The following KLHL13 variants were observed in gnomAD, a reference collection of about 807,000 sequenced individuals.
KLHL13 encodes the protein kelch like family member 13, also known as kelch-like protein 13.
KLHL13 carries 10 observed loss-of-function variants against 37.1 expected under a neutral mutation model. The observed-to-expected ratio is 0.27, with a 90% CI of 0.17 to 0.46. The LOEUF is 0.46. Ranked by LOEUF, KLHL13 falls within the 20% of genes least tolerant of loss-of-function variation. The pLI is 1.00. For synonymous variants in KLHL13, 163 were observed against 181.2 expected (o/e 0.90, Z 0.81); for missense variants, 360 against 509.3 (o/e 0.71, Z 2.82).
chrX:117,995,665 C>T (rs1352183998), intron 1 of KLHL13, among the ~76,000 whole-genome samples: 1 of 111,277 alleles, frequency 9.0e-6, no homozygotes, highest in East Asian at 2.8e-4. Flanking sequence ...CCCATTCTCT[C>T]CTCCCTGCCC....
intron 1 of KLHL13, among the ~76,000 whole-genome samples, chrX:118,017,414 G>C (rs934651336): frequency 1.8e-5 from 2 of 111,486 alleles, no homozygotes; most frequent in Non-Finnish European, 3.8e-5. Flanking sequence ...AAGCGAAAAG[G>C]CAACATGGCT....
exon 1 of KLHL13, chrX:118,116,664 C>G (rs1342078832): frequency 2.7e-5 from 3 of 112,134 alleles, no homozygotes; most frequent in African/African-American, 9.7e-5. Flanking sequence ...CCACTTCACC[C>G]TGTCCTGGCG....
At chrX:117,990,935 T>C (rs1364826710) in intron 1 of KLHL13, among the ~76,000 whole-genome samples, 1 of 111,014 alleles carries the variant, frequency 9.0e-6, no homozygotes, top group African/African-American at 3.3e-5. Flanking sequence ...AATATTTACA[T>C]AATGAACAAT....
chrX:118,100,417 C>T (rs2055274814), intron 1 of KLHL13, among the ~76,000 whole-genome samples: 1 of 111,725 alleles, frequency 9.0e-6, no homozygotes, highest in Non-Finnish European at 1.9e-5. Flanking sequence ...AAGCTTGCTA[C>T]TTACACTCAC....
chrX:117,978,301 T>C (rs1230804671), upstream of KLHL13, among the ~76,000 whole-genome samples: 1 of 112,264 alleles, frequency 8.9e-6, no homozygotes, highest in East Asian at 2.8e-4. Context: ...CACACCATGA[T>C]GGCATAAGCA....
intron 4 of KLHL13, among the ~76,000 whole-genome samples, chrX:117,913,884 C>T (rs749001230): frequency 2.8e-5 from 3 of 108,520 alleles, no homozygotes; most frequent in Admixed American, 2.0e-4. Flanking sequence ...AAGGATAAAA[C>T]TCTTCAAGCA....
At chrX:118,050,477 A>G (rs1447689231) in intron 1 of KLHL13, among the ~76,000 whole-genome samples, 1 of 111,575 alleles carries the variant, frequency 9.0e-6, no homozygotes, top group Non-Finnish European at 1.9e-5. Flanking sequence ...TCAATTTCAT[A>G]ATGTTACAAT....
In KLHL13 at chrX:117,986,178, A is replaced by C. The variant is rs1197140649; in HGVS notation, c.-55-40603T>G. On this transcript the variant is annotated intron_variant, in intron 1 of 6. Coordinates refer to the KLHL13 transcript ENST00000371882. ...TATGGTGTAGAAGCTTTAGTAATAT[A>C]AGCCTAGCATTCTACAGCAGCAGAG... 2.7e-5 allele frequency among the ~76,000 whole-genome samples: 3 copies of C among 111,367 alleles called. No homozygotes were observed. In the East Asian group the frequency reaches 8.4e-4, roughly 31 times the overall value.
At chrX:117,984,713 A>C (rs1005500090) in intron 1 of KLHL13, among the ~76,000 whole-genome samples, 1 of 111,593 alleles carries the variant, frequency 9.0e-6, no homozygotes, top group Non-Finnish European at 1.9e-5. Flanking sequence ...AAAAAGCTAT[A>C]ATAGGTCAAA....
intron 1 of KLHL13, among the ~76,000 whole-genome samples, chrX:117,980,236 T>G (rs1018871655): frequency 9.0e-6 from 1 of 111,601 alleles, no homozygotes. Context: ...GGTTGAAAAT[T>G]TTTTCAGTAA....
chrX:117,920,196 T>C lies in KLHL13; in HGVS notation c.373+42A>G, dbSNP rs887885457. 3.4e-6 allele frequency: 4 copies of C among 1,161,075 alleles called. No homozygotes were observed. In the African/African-American group the frequency reaches 5.5e-5, roughly 16 times the overall value. On this transcript the variant is annotated intron_variant, in intron 3 of 6. Coordinates refer to ENST00000262820, the Ensembl canonical transcript of KLHL13. ...AAAAGATTTAAACACGGATTTTTCA[T>C]ATTGTTTTAATGTGGTTTCAGAGTT...
At chrX:118,110,040 T>C in intron 1 of KLHL13, among the ~76,000 whole-genome samples, 1 of 111,155 alleles carries the variant, frequency 9.0e-6, no homozygotes, top group Middle Eastern at 4.6e-3. Flanking sequence ...ACCAATTGTG[T>C]ATTGGTAAAG....
chrX:117,970,371 T>G (rs1750255401), intron 1 of KLHL13, among the ~76,000 whole-genome samples: 2 of 111,877 alleles, frequency 1.8e-5, no homozygotes, highest in African/African-American at 3.2e-5. Context: ...ATACATTATT[T>G]TACAGGTAAA....
chrX:117,920,325 G>T, exon 3 of KLHL13: 1 of 1,206,525 alleles, frequency 8.3e-7, no homozygotes, highest in Non-Finnish European at 1.1e-6. Flanking sequence ...CCTGGCATCA[G>T]GGTCACATCA....
At chrX:118,004,670 G>T (rs2053961692) in intron 1 of KLHL13, among the ~76,000 whole-genome samples, 2 of 112,173 alleles carry the variant, frequency 1.8e-5, no homozygotes, top group South Asian at 7.4e-4. Context: ...TCTGATAAGG[G>T]ATAAGATATT....
chrX:118,094,434 A>G (rs1424103513), intron 1 of KLHL13, among the ~76,000 whole-genome samples: 4 of 109,426 alleles, frequency 3.7e-5, no homozygotes, highest in East Asian at 5.9e-4. Flanking sequence ...TGAAAGTGAC[A>G]GGGAGAATGG....
At chrX:118,027,648 TACACACACACAC>T (rs34640779) in intron 1 of KLHL13, among the ~76,000 whole-genome samples, 2 of 103,822 alleles carry the variant, frequency 1.9e-5, no homozygotes, top group East Asian at 3.0e-4. Flanking sequence ...TCTCCACACA[TACACACACACAC>T]ACACACACAC....
chrX:118,006,163 T>C (rs943583240), intron 1 of KLHL13, among the ~76,000 whole-genome samples: 9 of 111,669 alleles, frequency 8.1e-5, no homozygotes, highest in African/African-American at 2.9e-4. Flanking sequence ...GAAAAGAAAC[T>C]ACTGGAACTA....
At chrX:118,083,646 T>C (rs1216800383) in intron 1 of KLHL13, among the ~76,000 whole-genome samples, 1 of 111,290 alleles carries the variant, frequency 9.0e-6, no homozygotes, top group Non-Finnish European at 1.9e-5. Flanking sequence ...GAGGAATAAG[T>C]TCTGGTGTTC....
Sources: allele counts gnomAD v4.1 joint callset (sites outside exome capture counted in the v4.1 genomes callset), GRCh38; gene constraint gnomAD v4.1.1; transcripts MANE v1.5; gene names NCBI Gene and HGNC (gene_info 2026-07-23, HGNC 2026-07-21).